Variants in MCC observed in about 807,000 individuals in gnomAD.
MCC encodes colorectal mutant cancer protein.
Under a neutral mutation model 116.2 loss-of-function variants are expected in MCC, and 90 were observed. That is an observed-to-expected ratio of 0.77 (90% CI 0.65 to 0.92). The LOEUF (loss-of-function observed/expected upper bound fraction) is 0.92, where lower values mean the gene tolerates loss of function less well. MCC is among the 40% of genes least tolerant of loss of function. The pLI is 0.00. For missense variants in MCC, 1,516 were observed against 1,312.2 expected (o/e 1.16, Z -2.40); for synonymous variants, 578 against 510.5 (o/e 1.13, Z -1.78).
chr5:113,184,752 T>C (rs961120770), intron 3 of MCC, among the ~76,000 whole-genome samples: 11 of 152,150 alleles, frequency 7.2e-5, no homozygotes, highest in East Asian at 3.8e-4. Flanking sequence ...CTGTAGAACA[T>C]AGAACTTCTG....
At chr5:113,462,059 A>G (rs1210981748) in intron 1 of MCC, among the ~76,000 whole-genome samples, 1 of 152,260 alleles carries the variant, frequency 6.6e-6, no homozygotes, top group Non-Finnish European at 1.5e-5. Flanking sequence ...GTTAATGCCC[A>G]CAAAAAAAAT....
intron 1 of MCC, among the ~76,000 whole-genome samples, chr5:113,483,703 A>G: frequency 6.6e-6 from 1 of 152,158 alleles, no homozygotes; most frequent in East Asian, 1.9e-4. Flanking sequence ...TATATACTCA[A>G]AGGAATATAA....
chr5:113,452,343 T>C (rs1771425911), intron 1 of MCC, among the ~76,000 whole-genome samples: 1 of 152,212 alleles, frequency 6.6e-6, no homozygotes, highest in Non-Finnish European at 1.5e-5. Context: ...CCCAAATTCA[T>C]ATGTTAAAAC....
intron 7 of MCC, among the ~76,000 whole-genome samples, chr5:113,103,012 G>C (rs1162341880): frequency 2.6e-5 from 4 of 152,330 alleles, no homozygotes; most frequent in South Asian, 4.1e-4. Flanking sequence ...TACTTGGGAG[G>C]CTGAGGCAGG....
At position 113,027,658 on chromosome 5, in the gene MCC, A is replaced by G. The variant is rs578127779; in HGVS notation, c.2880-176T>C. On this transcript the variant is annotated intron_variant, in intron 18 of 18. Transcript: ENST00000408903. ...GAGGAGGGACAGCACCAGGATGTCA[A>G]CACTCAACGGCCAGTCACCTACTGG... Among the ~76,000 whole-genome samples the G allele has an allele frequency of 5.9e-5, 9 of 152,118 alleles. No homozygotes were observed. In the East Asian group the frequency reaches 9.7e-4, roughly 16 times the overall value.
At chr5:113,437,010 T>C (rs1770883882) in intron 1 of MCC, 1 of 151,872 alleles carries the variant, frequency 6.6e-6, no homozygotes, top group Non-Finnish European at 1.5e-5. Flanking sequence ...CCTATCCCTT[T>C]GGGCACTTGT....
intron 3 of MCC, among the ~76,000 whole-genome samples, chr5:113,186,142 C>G (rs1469444900): frequency 6.6e-6 from 1 of 152,126 alleles, no homozygotes; most frequent in Non-Finnish European, 1.5e-5. Context: ...CATGCCTGTG[C>G]GGCAATGGAT....
chr5:113,404,308 A>G (rs889141617), intron 1 of MCC, among the ~76,000 whole-genome samples: 2 of 152,216 alleles, frequency 1.3e-5, no homozygotes, highest in Non-Finnish European at 2.9e-5. Flanking sequence ...ATCTATGAGG[A>G]AACACATAGA....
intron 1 of MCC, among the ~76,000 whole-genome samples, chr5:113,459,825 A>AACACAC (rs5870543): frequency 0.022 from 3,196 of 147,584 alleles, 102 homozygotes; most frequent in African/African-American, 0.068. Flanking sequence ...CGCTATGGAA[A>AACACAC]ACACACACAC....
intron 3 of MCC, among the ~76,000 whole-genome samples, chr5:113,262,440 G>A (rs1389517335): frequency 6.6e-6 from 1 of 152,110 alleles, no homozygotes; most frequent in East Asian, 1.9e-4. Context: ...TTAGGGCTGG[G>A]CCCACCTTTT....
At chr5:113,393,081 G>A (rs1307297719) in intron 1 of MCC, among the ~76,000 whole-genome samples, 3 of 151,992 alleles carry the variant, frequency 2.0e-5, no homozygotes, top group Non-Finnish European at 4.4e-5. Context: ...TTTACACATA[G>A]GCAAGTAATA....
intron 6 of MCC, among the ~76,000 whole-genome samples, chr5:113,117,604 C>T (rs938557610): frequency 6.6e-6 from 1 of 152,210 alleles, no homozygotes; most frequent in Non-Finnish European, 1.5e-5. Flanking sequence ...CAGAATGCTT[C>T]ACTGGCTGTG....
At chr5:113,369,267 T>C (rs1480199967) in intron 2 of MCC, among the ~76,000 whole-genome samples, 3 of 151,770 alleles carry the variant, frequency 2.0e-5, no homozygotes, top group Admixed American at 6.6e-5. Context: ...GTCTTTTCAG[T>C]GACCAGCCTC....
intron 1 of MCC, among the ~76,000 whole-genome samples, chr5:113,467,711 T>G (rs945981337): frequency 2.0e-5 from 3 of 152,214 alleles, no homozygotes; most frequent in African/African-American, 7.2e-5. Context: ...TTTTTTCCAA[T>G]TTTGTGAAGA....
intron 1 of MCC, among the ~76,000 whole-genome samples, chr5:113,451,467 A>G (rs1035378228): frequency 6.6e-6 from 1 of 152,158 alleles, no homozygotes; most frequent in African/African-American, 2.4e-5. Context: ...GGGTGCGGTG[A>G]CTCATGCCTG....
intron 3 of MCC, among the ~76,000 whole-genome samples, chr5:113,185,868 T>A (rs1316289728): frequency 1.3e-5 from 2 of 152,166 alleles, no homozygotes; most frequent in African/African-American, 4.8e-5. Context: ...AGAGGCCATA[T>A]AAGGAAATGA....
At chr5:113,466,423 A>T (rs1771910911) in intron 1 of MCC, among the ~76,000 whole-genome samples, 1 of 145,856 alleles carries the variant, frequency 6.9e-6, no homozygotes. Context: ...TATGAGTGAG[A>T]ACATGTGGTG....
intron 3 of MCC, among the ~76,000 whole-genome samples, chr5:113,241,022 G>T (rs1764343659): frequency 6.6e-6 from 1 of 152,168 alleles, no homozygotes; most frequent in African/African-American, 2.4e-5. Context: ...TCCTCTGGAT[G>T]TCCTATAAAT....
chr5:113,156,769 T>C (rs977123082), intron 3 of MCC, among the ~76,000 whole-genome samples: 1 of 152,236 alleles, frequency 6.6e-6, no homozygotes, highest in African/African-American at 2.4e-5. Context: ...TTTTGAGCCC[T>C]GCTTCACATT....
Sources: gnomAD v4.1 joint callset for allele counts (sites outside exome capture counted in the v4.1 genomes callset) on GRCh38, gnomAD v4.1.1 for gene constraint, MANE v1.5 for transcripts, NCBI Gene and HGNC (gene_info 2026-07-23, HGNC 2026-07-21) for gene names.